The following VASH1 variants were observed in gnomAD, a reference collection of about 807,000 sequenced individuals.
The protein encoded by VASH1 is tubulinyl-Tyr carboxypeptidase 1.
Under a neutral mutation model 35.0 loss-of-function variants are expected in VASH1, and 16 were observed. The observed-to-expected ratio is 0.46, with a 90% CI of 0.31 to 0.70. The LOEUF (loss-of-function observed/expected upper bound fraction) is 0.70, where lower values mean the gene tolerates loss of function less well. Among genes scored for constraint, VASH1 ranks in the 30% least tolerant of loss-of-function variants. The probability of loss-of-function intolerance (pLI) is 0.05; values close to 1 mark genes in which losing one functional copy is unlikely to be tolerated. For synonymous variants in VASH1, 214 were observed against 200.9 expected, an observed-to-expected ratio of 1.07 and a Z score of -0.55; for missense variants, 505 against 510.7, an observed-to-expected ratio of 0.99 and a Z score of 0.11.
chr14:76,770,194 T>C, intron 2 of VASH1, 143 bp downstream of exon 2: 1 of 772,074 alleles, frequency 1.3e-6, no homozygotes, highest in Non-Finnish European at 2.1e-6. Flanking sequence ...CTGTGCTCCC[T>C]GGTGCTGTGG....
chr14:76,775,576 C>T (rs1387472861), intron 4 of VASH1, among the ~76,000 whole-genome samples: 1 of 152,178 alleles, frequency 6.6e-6, no homozygotes, highest in Non-Finnish European at 1.5e-5. Context: ...GCTTCTCTTC[C>T]GTCCTTGGGC....
chr14:76,763,148 G>T lies in VASH1; in HGVS notation c.309+18G>T. On this transcript the variant is annotated intron_variant, in intron 1 of 6. Transcript: ENST00000167106. ...TGCCCAAGGTGAGACACACGGGTCAGGGGGGTGATAGCACAGTCTAGGTTT... is the reference window on the plus strand; with the variant it reads ...TGCCCAAGGTGAGACACACGGGTCATGGGGGTGATAGCACAGTCTAGGTTT... 4.2e-6 allele frequency: 6 copies of T among 1,438,046 alleles called. No individual in the cohort carries two copies. The highest frequency in any genetic ancestry group is 1.9e-4 in the Middle Eastern group (1 of 5,370). The allele number at this position is 1,438,046 out of a possible 1,614,324, so 89.1% of individuals were successfully genotyped here. A position where few individuals can be genotyped will look rare whatever the true frequency, so the allele number is the denominator to read the frequency against.
At chr14:76,769,829 A>C in intron 1 of VASH1, 134 bp from the exon 2 acceptor site, 1 of 856,602 alleles carries the variant, frequency 1.2e-6, no homozygotes, top group Non-Finnish European at 1.9e-6. Flanking sequence ...CAAGAAAGGA[A>C]GCTCAAGTGG....
intron 4 of VASH1, among the ~76,000 whole-genome samples, chr14:76,775,301 A>G (rs1882837): frequency 0.12 from 17,803 of 152,096 alleles, 1,160 homozygotes; most frequent in East Asian, 0.25. Flanking sequence ...CGGTGTGAGA[A>G]ACTCAGGTGG....
At chr14:76,772,042 C>A (rs1893807350) in intron 3 of VASH1, among the ~76,000 whole-genome samples, 1 of 152,162 alleles carries the variant, frequency 6.6e-6, no homozygotes, top group Non-Finnish European at 1.5e-5. Flanking sequence ...GAGTTTGAGA[C>A]CAGCCTGGCC....
In VASH1 at chr14:76,777,678, T is replaced by C. The variant is rs141586182; in HGVS notation, c.913-281T>C. ...ACTGGCACGTTTACCTGGCCTTTGT[T>C]GGGGACTTTTTGCAATATTATGGTA... On this transcript the variant is annotated intron_variant, in intron 5 of 6. Coordinates refer to ENST00000167106, the MANE Select transcript of VASH1 (RefSeq NM_014909.5). Among the ~76,000 whole-genome samples the C allele has an allele frequency of 7.7e-3, 1,180 of 152,290 alleles. 6 individuals are homozygous for C. The highest frequency in any genetic ancestry group is 0.012 in the Non-Finnish European group (799 of 68,016).
At chr14:76,768,838 G>A (rs981933139) in intron 1 of VASH1, among the ~76,000 whole-genome samples, 4 of 152,286 alleles carry the variant, frequency 2.6e-5, no homozygotes, top group African/African-American at 7.2e-5. Flanking sequence ...GGGCCGGGTG[G>A]AGGCTTGGGG....
intron 5 of VASH1, among the ~76,000 whole-genome samples, chr14:76,776,916 C>G (rs1207194915): frequency 6.7e-6 from 1 of 149,908 alleles, no homozygotes; most frequent in African/African-American, 2.5e-5. Flanking sequence ...CAGCCTGGAG[C>G]CTCCGCCTCA....
At chr14:76,772,359 T>G (rs1015131874) in intron 3 of VASH1, among the ~76,000 whole-genome samples, 1 of 152,246 alleles carries the variant, frequency 6.6e-6, no homozygotes, top group African/African-American at 2.4e-5. Flanking sequence ...GCAAAATTAC[T>G]TAATTACACC....
intron 1 of VASH1, 87 bp downstream of exon 1, chr14:76,763,217 GGGGCAGGGGACCAC>G: frequency 7.8e-7 from 1 of 1,276,590 alleles, no homozygotes; most frequent in Non-Finnish European, 1.0e-6. Flanking sequence ...CTCCTCCCAC[GGGGCAGGGGACCAC>G]TGGCTCGGTA....
At position 76,775,642 on chromosome 14, in the gene VASH1, G is replaced by A. The variant is rs1893915856; in HGVS notation, c.531-250G>A. Among the ~76,000 whole-genome samples, 3 of 152,234 alleles carry A rather than the reference G, an allele frequency of 2.0e-5. No individual in the cohort carries two copies. The South Asian group carries it at 6.2e-4, about 32-fold the overall frequency. The stretch of plus-strand genomic sequence containing the variant: ...CACCAGCCCTGCTGGACTTCAGAGC[G>A]GTGGCCACAAATCCCTGGAAGCCCC... On this transcript the variant is annotated intron_variant, in intron 4 of 6. Transcript: ENST00000167106.
rs779251766 is a variant in VASH1, at chr14:76,776,233, G to T, written c.872G>T (p.Arg291Leu). ...DVERLGRDDF[R>L]KELERHARDM... is the part of the protein sequence containing the mutation. Reference sequence around the variant, plus strand: ...GAGCGCCTGGGCCGCGATGACTTCCGCAAGGAGCTGGAGCGCCACGCCCGC... The same window carrying T: ...GAGCGCCTGGGCCGCGATGACTTCCTCAAGGAGCTGGAGCGCCACGCCCGC... The change falls in exon 5 of 7, where the codon CGC (arginine) becomes CTC (leucine). Residue 291 changes from arginine (R) to leucine (L), a missense_variant. By Grantham distance (102) the Arg-to-Leu change is moderately radical. Coordinates refer to ENST00000167106, the MANE Select transcript of VASH1 (RefSeq NM_014909.5). 1.2e-6 allele frequency: 2 copies of T among 1,607,144 alleles called. No individual in the cohort carries two copies. Among genetic ancestry groups the T allele is most frequent in the South Asian group, 1.1e-5 (1 of 90,912 alleles).
intron 4 of VASH1, chr14:76,773,614 G>T: frequency 3.5e-6 from 1 of 288,382 alleles, no homozygotes; most frequent in Non-Finnish European, 6.3e-6. Context: ...TTCTGGACGA[G>T]ATATTAAAGC....
Position 76,761,539 on chromosome 14 carries a change from C to A in VASH1, c.-1283C>A, listed in dbSNP as rs1287272230. On this transcript the variant is annotated 5_prime_UTR_variant, in exon 1 of 7. Coordinates refer to ENST00000167106, the MANE Select transcript of VASH1 (RefSeq NM_014909.5). ...GGTCGGCGGCAGCGGGGCCCAGGGG[C>A]GGCGGGGCTGCAGCAGCGGCGGCCC... is the stretch of plus-strand genomic sequence containing the variant. 6.6e-6 allele frequency among the ~76,000 whole-genome samples: 1 copy of A among 152,032 alleles called. No individual in the cohort carries two copies. Among genetic ancestry groups the A allele is most frequent in the South Asian group, 2.1e-4 (1 of 4,838 alleles).
In VASH1 at chr14:76,779,543, C is replaced by T; in HGVS notation, c.*525C>T. 1 of 692,396 alleles carries T rather than the reference C, an allele frequency of 1.4e-6. No homozygotes were observed. 42.9% of individuals were successfully genotyped at this position (692,396 alleles called of 1,614,324 possible). On this transcript the variant is annotated 3_prime_UTR_variant, in exon 7 of 7. Coordinates refer to ENST00000167106, the MANE Select transcript of VASH1 (RefSeq NM_014909.5). ...AAAGGGAAGCAGGGTAGGAGTCCTT[C>T]TGAGAAAGGTCTGTGTAGCCCATTA...
At chr14:76,778,861 A>G in intron 6 of VASH1, 85 bp from the exon 7 acceptor site, 1 of 1,360,082 alleles carries the variant, frequency 7.4e-7, no homozygotes, top group Non-Finnish European at 1.1e-6. Flanking sequence ...CGGGGAAGCC[A>G]CCAGGCAGCC....
intron 2 of VASH1, 83 bp from the exon 3 acceptor site, chr14:76,771,107 G>T: frequency 7.7e-7 from 1 of 1,301,670 alleles, no homozygotes; most frequent in Non-Finnish European, 1.0e-6. Flanking sequence ...CAGGAGACTT[G>T]GCTCTTGAGC....
At position 76,776,932 on chromosome 14, in the gene VASH1, C is replaced by T. The variant is rs146575763; in HGVS notation, c.912+659C>T. 2.5e-3 allele frequency among the ~76,000 whole-genome samples: 387 copies of T among 152,286 alleles called. 1 individual carries two copies. The highest frequency in any genetic ancestry group is 3.4e-3 in the Middle Eastern group (1 of 294). ...AGCCTGGAGCCTCCGCCTCAACCAC[C>T]GACCTCTGCACTCCCAAGTGCACTG... On this transcript the variant is annotated intron_variant, in intron 5 of 6. Transcript: ENST00000167106.
chr14:76,779,125 AG>A lies in VASH1; in HGVS notation c.*108del. 1 of 1,234,010 alleles carries A rather than the reference AG, an allele frequency of 8.1e-7. No individual in the cohort carries two copies. The highest frequency in any genetic ancestry group is 1.7e-5 in the Admixed American group (1 of 58,342). The allele number at this position is 1,234,010 out of a possible 1,614,324, so 76.4% of individuals were successfully genotyped here. On this transcript the variant is annotated 3_prime_UTR_variant, in exon 7 of 7. Coordinates refer to ENST00000167106, the MANE Select transcript of VASH1 (RefSeq NM_014909.5). Reference sequence around the variant, plus strand: ...GCGGGGCTGGTGACAAGGCAGGGCAAGAGGCTGCAGGAAGAGTGTGTTCCAG... The same window carrying A: ...GCGGGGCTGGTGACAAGGCAGGGCAAAGGCTGCAGGAAGAGTGTGTTCCAG...
Sources: gnomAD v4.1 joint callset for allele counts (sites outside exome capture counted in the v4.1 genomes callset) on GRCh38, gnomAD v4.1.1 for gene constraint, MANE v1.5 for transcripts, NCBI Gene and HGNC (gene_info 2026-07-23, HGNC 2026-07-21) for gene names.